MIR2052HG: variants seen among roughly 807,000 people sequenced by gnomAD.
MIR2052HG encodes the protein MIR2052 host gene.
chr8:74,698,813 G>T (rs1167024994), intron 2 of MIR2052HG, among the ~76,000 whole-genome samples: 3 of 152,110 alleles, frequency 2.0e-5, no homozygotes, highest in Admixed American at 6.6e-5. Flanking sequence ...AAACTTAGAG[G>T]ATGGGTCAAT....
intron 4 of MIR2052HG, among the ~76,000 whole-genome samples, chr8:74,736,834 C>T (rs1809748771): frequency 1.3e-5 from 2 of 152,168 alleles, no homozygotes. Flanking sequence ...TGACCACTGT[C>T]AGAGGCTGCA....
intron 2 of MIR2052HG, among the ~76,000 whole-genome samples, chr8:74,639,977 T>C (rs1346014715): frequency 6.6e-6 from 1 of 152,198 alleles, no homozygotes; most frequent in East Asian, 1.9e-4. Flanking sequence ...GGTACTTACG[T>C]GGGTTTTGCT....
intron 2 of MIR2052HG, among the ~76,000 whole-genome samples, chr8:74,689,631 A>G (rs549955319): frequency 1.4e-3 from 213 of 152,338 alleles, no homozygotes; most frequent in African/African-American, 4.9e-3. Context: ...TCTTCATTTG[A>G]TCACTTCTAC....
At chr8:74,600,814 TC>T (rs1436567071) in intron 1 of MIR2052HG, among the ~76,000 whole-genome samples, 2 of 152,060 alleles carry the variant, frequency 1.3e-5, no homozygotes, top group South Asian at 4.2e-4. Flanking sequence ...GACCTCATTT[TC>T]TGCCAGCCTG....
chr8:74,710,094 A>G (rs1027992892), intron 4 of MIR2052HG, among the ~76,000 whole-genome samples: 4 of 152,164 alleles, frequency 2.6e-5, no homozygotes, highest in Non-Finnish European at 5.9e-5. Flanking sequence ...ATGCCCATCT[A>G]AGTAGCGATT....
chr8:74,739,048 G>T (rs1424671046), intron 4 of MIR2052HG, among the ~76,000 whole-genome samples: 2 of 152,096 alleles, frequency 1.3e-5, no homozygotes, highest in Non-Finnish European at 2.9e-5. Context: ...TAAAGGGAGG[G>T]GATCAATAAA....
chr8:74,629,108 C>T (rs1808475406), intron 2 of MIR2052HG, among the ~76,000 whole-genome samples: 1 of 152,128 alleles, frequency 6.6e-6, no homozygotes, highest in African/African-American at 2.4e-5. Context: ...GCTCATGAAA[C>T]TAATTTACTG....
intron 2 of MIR2052HG, among the ~76,000 whole-genome samples, chr8:74,634,556 C>T (rs893093715): frequency 7.9e-5 from 12 of 152,064 alleles, no homozygotes; most frequent in African/African-American, 2.9e-4. Context: ...CAAGTAGCAG[C>T]AGCAATTATT....
intron 2 of MIR2052HG, among the ~76,000 whole-genome samples, chr8:74,647,470 A>G (rs1808701501): frequency 6.6e-6 from 1 of 152,256 alleles, no homozygotes; most frequent in Non-Finnish European, 1.5e-5. Context: ...TAAACAAATA[A>G]AAAATGGAAA....
intron 4 of MIR2052HG, among the ~76,000 whole-genome samples, chr8:74,749,708 G>A (rs1259959644): frequency 6.6e-6 from 1 of 152,022 alleles, no homozygotes; most frequent in East Asian, 1.9e-4. Flanking sequence ...AATTAGCTGG[G>A]TATGGTGTCG....
intron 4 of MIR2052HG, among the ~76,000 whole-genome samples, chr8:74,731,592 A>G (rs1809693039): frequency 1.3e-5 from 2 of 152,156 alleles, no homozygotes; most frequent in South Asian, 4.1e-4. Flanking sequence ...ACCAGCCTTG[A>G]AGAATGCTTA....
intron 4 of MIR2052HG, among the ~76,000 whole-genome samples, chr8:74,749,401 A>G (rs555666069): frequency 8.4e-4 from 120 of 142,850 alleles, no homozygotes; most frequent in Non-Finnish European, 1.2e-3. Flanking sequence ...TCACCAAGTT[A>G]AAAAAAAAAA....
intron 2 of MIR2052HG, among the ~76,000 whole-genome samples, chr8:74,681,307 T>G (rs560162885): frequency 2.1e-4 from 32 of 152,204 alleles, no homozygotes; most frequent in African/African-American, 7.5e-4. Context: ...ATTAAGATTT[T>G]TAAGAAACTT....
Position 74,751,452 on chromosome 8 carries a change from G to A in MIR2052HG, n.372-989G>A, listed in dbSNP as rs564110517. 4.6e-5 allele frequency among the ~76,000 whole-genome samples: 7 copies of A among 152,286 alleles called. No homozygotes were observed. The South Asian group carries it at 1.5e-3, about 32-fold the overall frequency. ...TTGACTTTCAAAGTTAGATTCAACAGCATGTTAAATAAAGTGTCTCTAAAA... is the reference window on the plus strand; with the variant it reads ...TTGACTTTCAAAGTTAGATTCAACAACATGTTAAATAAAGTGTCTCTAAAA... On this transcript the variant is annotated intron_variant and non_coding_transcript_variant, in intron 4 of 6. Coordinates refer to ENST00000523442, the Ensembl canonical transcript of MIR2052HG.
intron 4 of MIR2052HG, among the ~76,000 whole-genome samples, chr8:74,707,440 T>A (rs1045847594): frequency 5.3e-5 from 8 of 152,166 alleles, no homozygotes; most frequent in Non-Finnish European, 1.5e-5. Flanking sequence ...TCAAGAAAGC[T>A]ACAAAGTCAG....
chr8:74,735,296 A>T (rs1204874205), intron 4 of MIR2052HG, among the ~76,000 whole-genome samples: 1 of 152,146 alleles, frequency 6.6e-6, no homozygotes, highest in Non-Finnish European at 1.5e-5. Context: ...CTCAGTTCTG[A>T]GTAAGTCTTG....
At chr8:74,731,454 A>G (rs1211975582) in intron 4 of MIR2052HG, among the ~76,000 whole-genome samples, 1 of 152,184 alleles carries the variant, frequency 6.6e-6, no homozygotes, top group East Asian at 1.9e-4. Flanking sequence ...AATGTCGGAT[A>G]CACAGACATG....
At chr8:74,640,119 A>C (rs73337266) in intron 2 of MIR2052HG, among the ~76,000 whole-genome samples, 5,226 of 152,174 alleles carry the variant, frequency 0.034, 293 homozygotes, top group African/African-American at 0.12. Flanking sequence ...CATTTAAATT[A>C]ATTATTCCCT....
chr8:74,702,320 A>G, intron 2 of MIR2052HG: 1 of 375,504 alleles, frequency 2.7e-6, no homozygotes, highest in Non-Finnish European at 5.5e-6. Flanking sequence ...GATGATATCA[A>G]AAGATACAAT....
Sources: gnomAD v4.1 joint callset for allele counts (sites outside exome capture counted in the v4.1 genomes callset) on GRCh38, gnomAD v4.1.1 for gene constraint, MANE v1.5 for transcripts, NCBI Gene and HGNC (gene_info 2026-07-23, HGNC 2026-07-21) for gene names.